PRKAG2: variants seen among roughly 807,000 people sequenced by gnomAD.
PRKAG2 encodes the protein protein kinase AMP-activated non-catalytic subunit gamma 2, also known as 5'-AMP-activated protein kinase subunit gamma-2.
PRKAG2 carries 26 observed loss-of-function variants against 69.6 expected under a neutral mutation model. The observed-to-expected ratio is 0.37, with a 90% CI of 0.27 to 0.52. The LOEUF (loss-of-function observed/expected upper bound fraction) is 0.52, where lower values mean the gene tolerates loss of function less well. Ranked by LOEUF, PRKAG2 falls within the 20% of genes least tolerant of loss-of-function variation. The pLI is 0.90. For missense variants in PRKAG2, 557 were observed against 740.0 expected, an observed-to-expected ratio of 0.75 and a Z score of 2.87; for synonymous variants, 293 against 285.0, an observed-to-expected ratio of 1.03 and a Z score of -0.28.
chr7:151,810,552 A>T (rs773590264), intron 1 of PRKAG2: 2 of 152,210 alleles, frequency 1.3e-5, no homozygotes, highest in African/African-American at 2.4e-5. Context: ...GCTGCCTGGA[A>T]CCCCCTAAAG....
At chr7:151,582,029 G>A (rs977520631) in intron 6 of PRKAG2, among the ~76,000 whole-genome samples, 1 of 152,170 alleles carries the variant, frequency 6.6e-6, no homozygotes, top group African/African-American at 2.4e-5. Context: ...AACTGATCAC[G>A]CGTGCTGAAT....
chr7:151,806,254 G>T (rs1227855363), intron 1 of PRKAG2, among the ~76,000 whole-genome samples: 1 of 152,166 alleles, frequency 6.6e-6, no homozygotes, highest in Non-Finnish European at 1.5e-5. Flanking sequence ...AAGCCTTTTG[G>T]GGTGCTCTTG....
Position 151,617,086 on chromosome 7 carries a change from C to T in PRKAG2, c.754+14983G>A, listed in dbSNP as rs577077233. The stretch of plus-strand genomic sequence containing the variant: ...ACCAGCCTGACCAACGTGGAGAAAC[C>T]CTGTCTCTACTAAAAGAATACAAAA... On this transcript the variant is annotated intron_variant, in intron 5 of 15. Transcript: ENST00000287878. Among the ~76,000 whole-genome samples the T allele has an allele frequency of 7.5e-4, 114 of 151,974 alleles. 2 individuals carry two copies. In the Middle Eastern group the frequency reaches 0.01, roughly 14 times the overall value.
At chr7:151,611,515 T>A (rs1047520453) in intron 5 of PRKAG2, among the ~76,000 whole-genome samples, 8 of 152,098 alleles carry the variant, frequency 5.3e-5, no homozygotes, top group African/African-American at 1.7e-4. Flanking sequence ...GAAACTGAAA[T>A]ATCAATTAAG....
At chr7:151,844,124 G>A (rs1234552169) in intron 1 of PRKAG2, among the ~76,000 whole-genome samples, 1 of 152,228 alleles carries the variant, frequency 6.6e-6, no homozygotes, top group Non-Finnish European at 1.5e-5. Flanking sequence ...CAGGGGTTGG[G>A]GAAGCCCTTG....
At chr7:151,856,722 C>T (rs1242332118) in intron 1 of PRKAG2, among the ~76,000 whole-genome samples, 1 of 152,228 alleles carries the variant, frequency 6.6e-6, no homozygotes, top group African/African-American at 2.4e-5. Flanking sequence ...AGACCAGCCA[C>T]ACACACGGTC....
intron 5 of PRKAG2, among the ~76,000 whole-genome samples, chr7:151,607,983 A>G (rs1817899477): frequency 6.6e-6 from 1 of 152,182 alleles, no homozygotes; most frequent in African/African-American, 2.4e-5. Context: ...GTTATCCCGG[A>G]TTAGGGTGGG....
At chr7:151,772,693 G>A (rs529798664) in intron 3 of PRKAG2, among the ~76,000 whole-genome samples, 12 of 152,112 alleles carry the variant, frequency 7.9e-5, no homozygotes, top group Admixed American at 7.2e-4. Flanking sequence ...AAATTATTTT[G>A]GTGTGACCAA....
intron 1 of PRKAG2, among the ~76,000 whole-genome samples, chr7:151,823,006 C>T (rs1011595640): frequency 2.6e-5 from 4 of 152,300 alleles, no homozygotes; most frequent in African/African-American, 9.6e-5. Context: ...GAATTCCTCC[C>T]AGCGACCTGG....
At position 151,581,995 on chromosome 7, in the gene PRKAG2, C is replaced by T. The variant is rs559166831; in HGVS notation, c.865-5543G>A. Reference sequence around the variant, plus strand: ...GCAAATACATGTATGGGAAAGTATACGGGGTAATAATACAGACGTTAGAAA... The same window carrying T: ...GCAAATACATGTATGGGAAAGTATATGGGGTAATAATACAGACGTTAGAAA... On this transcript the variant is annotated intron_variant, in intron 6 of 15. Coordinates refer to ENST00000287878, the MANE Select transcript of PRKAG2 (RefSeq NM_016203.4). Among the ~76,000 whole-genome samples, 25 of 152,228 alleles carry T rather than the reference C, an allele frequency of 1.6e-4. 1 individual carries two copies. In the Middle Eastern group the frequency reaches 0.014, roughly 83 times the overall value.
At chr7:151,851,949 T>C (rs1586722123) in intron 1 of PRKAG2, among the ~76,000 whole-genome samples, 1 of 152,172 alleles carries the variant, frequency 6.6e-6, no homozygotes, top group African/African-American at 2.4e-5. Flanking sequence ...CCCTCTCAGC[T>C]GGAGGGCAGG....
At chr7:151,723,851 C>T (rs1344988787) in intron 3 of PRKAG2, among the ~76,000 whole-genome samples, 1 of 152,150 alleles carries the variant, frequency 6.6e-6, no homozygotes, top group East Asian at 1.9e-4. Flanking sequence ...GTTTCAACTC[C>T]GTTCAGCATG....
chr7:151,581,588 T>TA (rs11286835), intron 6 of PRKAG2, among the ~76,000 whole-genome samples: 4 of 152,030 alleles, frequency 2.6e-5, no homozygotes, highest in East Asian at 3.9e-4. Flanking sequence ...TGTAATAATT[T>TA]AAAAAAACCC....
intron 1 of PRKAG2, among the ~76,000 whole-genome samples, chr7:151,820,605 CGTGGCCTGGCCCCTCTGGCT>C (rs1563728192): frequency 4.9e-5 from 2 of 41,198 alleles, no homozygotes; most frequent in Admixed American, 2.2e-4. Context: ...AACACCGCTC[CGTGGCCTGGCCCCTCTGGCT>C]ACTGCAGGGC....
intron 3 of PRKAG2, among the ~76,000 whole-genome samples, chr7:151,703,870 ACACACAC>A (rs1244641342): frequency 2.2e-5 from 3 of 136,028 alleles, no homozygotes; most frequent in Non-Finnish European, 4.8e-5. Flanking sequence ...ACACACACAC[ACACACAC>A]ACACACACAC....
chr7:151,670,456 T>C (rs1831834970), intron 4 of PRKAG2, among the ~76,000 whole-genome samples: 1 of 152,230 alleles, frequency 6.6e-6, no homozygotes, highest in Non-Finnish European at 1.5e-5. Context: ...GCTCCTGTTC[T>C]AACCACCTCC....
chr7:151,706,820 C>A (rs1054477794), intron 3 of PRKAG2, among the ~76,000 whole-genome samples: 1 of 152,214 alleles, frequency 6.6e-6, no homozygotes, highest in Non-Finnish European at 1.5e-5. Context: ...CAACCTGAGC[C>A]GGAGGCCACG....
chr7:151,713,123 G>A lies in PRKAG2; in HGVS notation c.467-37486C>T, dbSNP rs1163429775. Among the ~76,000 whole-genome samples, 6 of 152,152 alleles carry A rather than the reference G, an allele frequency of 3.9e-5. No homozygotes were observed. In the East Asian group the frequency reaches 5.8e-4, roughly 15 times the overall value. On this transcript the variant is annotated intron_variant, in intron 3 of 15. Transcript: ENST00000287878. ...CACTGTCAAATCGAGGCAGAGGGACGGGAAATGGTGAACAGAGAAGGAAGA... is the reference window on the plus strand; with the variant it reads ...CACTGTCAAATCGAGGCAGAGGGACAGGAAATGGTGAACAGAGAAGGAAGA...
At chr7:151,856,754 G>A (rs901585715) in intron 1 of PRKAG2, among the ~76,000 whole-genome samples, 5 of 152,162 alleles carry the variant, frequency 3.3e-5, no homozygotes, top group African/African-American at 9.7e-5. Context: ...ACCGGAGCAC[G>A]GTCACCTGTG....
Sources: allele counts gnomAD v4.1 joint callset (sites outside exome capture counted in the v4.1 genomes callset), GRCh38; gene constraint gnomAD v4.1.1; transcripts MANE v1.5; gene names NCBI Gene and HGNC (gene_info 2026-07-23, HGNC 2026-07-21).